PPARGC1A: variants seen among roughly 807,000 people sequenced by gnomAD.
PPARGC1A encodes the protein PPARG coactivator 1 alpha.
A neutral mutation model predicts 88.7 loss-of-function variants in PPARGC1A; 25 were observed. The ratio of observed to expected loss-of-function variants is 0.28; its 90% confidence interval spans 0.21 to 0.39. PPARGC1A has a LOEUF of 0.39. Among genes scored for constraint, PPARGC1A ranks in the 10% least tolerant of loss-of-function variants. The probability of loss-of-function intolerance (pLI) is 1.00; values close to 1 mark genes in which losing one functional copy is unlikely to be tolerated. For missense variants in PPARGC1A, 880 were observed against 968.7 expected, an observed-to-expected ratio of 0.91 and a Z score of 1.22; for synonymous variants, 363 against 355.6, an observed-to-expected ratio of 1.02 and a Z score of -0.24.
rs1453354099 is a variant in PPARGC1A, at chr4:23,824,488, G to C, written c.778C>G (p.Leu260Val). Reference protein sequence around the residue: ...HLQAKPTTLSLPLTPESPNDP... With the variant: ...HLQAKPTTLSVPLTPESPNDP... ...TTTGGTGACTCTGGGGTCAGAGGAA[G>C]AGATAAAGTTGTTGGTTTGGCTAAA... The change falls in exon 6 of 13, where the codon CTT (leucine) becomes GTT (valine). Residue 260 changes from leucine to valine, a missense_variant. Leu to Val is a conservative substitution (Grantham distance 32). Coordinates refer to ENST00000264867, the MANE Select transcript of PPARGC1A (RefSeq NM_013261.5). 8.7e-6 allele frequency: 14 copies of C among 1,607,448 alleles called. No individual in the cohort carries two copies. The highest frequency in any genetic ancestry group is 2.7e-5 in the African/African-American group (2 of 74,598).
chr4:24,273,241 C>T, the PPARGC1A span, among the ~76,000 whole-genome samples: 1 of 152,200 alleles, frequency 6.6e-6, no homozygotes, highest in Admixed American at 6.5e-5. Context: ...TCAGAAGCTG[C>T]TCAAATTTAA....
chr4:24,391,115 T>C, the PPARGC1A span, among the ~76,000 whole-genome samples: 1 of 152,150 alleles, frequency 6.6e-6, no homozygotes, highest in Non-Finnish European at 1.5e-5. Flanking sequence ...GCATCAGTTA[T>C]TACTTTTTAA....
chr4:24,267,357 A>G, the PPARGC1A span, among the ~76,000 whole-genome samples: 1 of 152,310 alleles, frequency 6.6e-6, no homozygotes, highest in East Asian at 1.9e-4. Flanking sequence ...AGGGAACCAA[A>G]GCAGAGATTG....
At chr4:24,212,133 T>C in the PPARGC1A span, among the ~76,000 whole-genome samples, 2 of 152,216 alleles carry the variant, frequency 1.3e-5, no homozygotes, top group African/African-American at 4.8e-5. Context: ...CGTTTCTTGA[T>C]GTAAGTCCAA....
At chr4:24,158,861 C>T in the PPARGC1A span, among the ~76,000 whole-genome samples, 5 of 152,224 alleles carry the variant, frequency 3.3e-5, no homozygotes, top group South Asian at 2.1e-4. Context: ...CATTTATTAA[C>T]GTGTTATATA....
At chr4:24,350,458 G>A in the PPARGC1A span, among the ~76,000 whole-genome samples, 1 of 152,154 alleles carries the variant, frequency 6.6e-6, no homozygotes, top group Non-Finnish European at 1.5e-5. Context: ...ATACACCTGG[G>A]ATATAGGAGA....
chr4:24,197,719 G>T, the PPARGC1A span, among the ~76,000 whole-genome samples: 1 of 152,152 alleles, frequency 6.6e-6, no homozygotes, highest in Non-Finnish European at 1.5e-5. Flanking sequence ...CCTTGCAAAG[G>T]AGAAAGTGCC....
At chr4:24,014,859 T>C in the PPARGC1A span, among the ~76,000 whole-genome samples, 1 of 152,184 alleles carries the variant, frequency 6.6e-6, no homozygotes, top group African/African-American at 2.4e-5. Context: ...GCAAAATCCA[T>C]TCACTTTTGC....
At chr4:24,226,152 A>C in the PPARGC1A span, among the ~76,000 whole-genome samples, 8 of 152,238 alleles carry the variant, frequency 5.3e-5, no homozygotes, top group South Asian at 2.1e-4. Flanking sequence ...GCCTGACACT[A>C]AATACCAGTG....
the PPARGC1A span, among the ~76,000 whole-genome samples, chr4:24,200,655 C>CAAAAAAAAAAAAAAAAAAAAAAAAAAAA: frequency 1.1e-5 from 1 of 88,316 alleles, no homozygotes; most frequent in Non-Finnish European, 2.2e-5. Context: ...ATTTATTAAG[C>CAAAAAAAAAAAAAAAAAAAAAAAAAAAA]AAAAAAAAAA....
At chr4:24,222,070 C>T in the PPARGC1A span, among the ~76,000 whole-genome samples, 1 of 152,146 alleles carries the variant, frequency 6.6e-6, no homozygotes, top group African/African-American at 2.4e-5. Flanking sequence ...ATTCAGGGAC[C>T]ATCTCCAAGG....
the PPARGC1A span, among the ~76,000 whole-genome samples, chr4:24,019,451 T>C: frequency 7.9e-5 from 12 of 152,210 alleles, no homozygotes; most frequent in Non-Finnish European, 1.6e-4. Context: ...CTCCAAGACC[T>C]GGCTGAATTC....
At chr4:23,966,720 C>T in the PPARGC1A span, among the ~76,000 whole-genome samples, 1 of 152,146 alleles carries the variant, frequency 6.6e-6, no homozygotes, top group Non-Finnish European at 1.5e-5. Flanking sequence ...GAGATTTGAA[C>T]CCAGGTCTGT....
chr4:24,156,518 A>G, the PPARGC1A span, among the ~76,000 whole-genome samples: 1 of 152,130 alleles, frequency 6.6e-6, no homozygotes, highest in Non-Finnish European at 1.5e-5. Context: ...CTCGTGGAAA[A>G]TGCTAGGTGT....
At chr4:24,229,152 C>T in the PPARGC1A span, among the ~76,000 whole-genome samples, 7 of 60,914 alleles carry the variant, frequency 1.1e-4, no homozygotes, top group South Asian at 8.8e-4. Context: ...GTATCTGGAC[C>T]TTTTTTTTTT....
At chr4:24,282,388 T>A in the PPARGC1A span, among the ~76,000 whole-genome samples, 1 of 152,246 alleles carries the variant, frequency 6.6e-6, no homozygotes, top group African/African-American at 2.4e-5. Flanking sequence ...AAAGCAGATA[T>A]AACTCTTTAG....
At chr4:24,325,432 G>C in the PPARGC1A span, among the ~76,000 whole-genome samples, 1 of 152,182 alleles carries the variant, frequency 6.6e-6, no homozygotes, top group Non-Finnish European at 1.5e-5. Flanking sequence ...CCAAACGCCT[G>C]AACCGCAGGG....
At chr4:23,916,015 T>G in the PPARGC1A span, among the ~76,000 whole-genome samples, 1 of 152,226 alleles carries the variant, frequency 6.6e-6, no homozygotes, top group African/African-American at 2.4e-5. Flanking sequence ...GTTTATAAGC[T>G]GTGTGACCTC....
At chr4:23,998,317 G>A in the PPARGC1A span, among the ~76,000 whole-genome samples, 27 of 152,066 alleles carry the variant, frequency 1.8e-4, no homozygotes, top group Non-Finnish European at 2.8e-4. Context: ...TAAGATTTAT[G>A]TAATAATTAT....
Sources: allele counts gnomAD v4.1 joint callset (sites outside exome capture counted in the v4.1 genomes callset), GRCh38; gene constraint gnomAD v4.1.1; transcripts MANE v1.5; gene names NCBI Gene and HGNC (gene_info 2026-07-23, HGNC 2026-07-21).